The following ESR1 variants were observed in gnomAD, a reference collection of about 807,000 sequenced individuals.
The protein encoded by ESR1 is estrogen receptor.
A neutral mutation model predicts 52.7 loss-of-function variants in ESR1; 12 were observed. The ratio of observed to expected loss-of-function variants is 0.23; its 90% confidence interval spans 0.15 to 0.37. ESR1 has a LOEUF of 0.37. Among genes scored for constraint, ESR1 ranks in the 10% least tolerant of loss-of-function variants. The pLI is 1.00. For missense variants in ESR1, 584 were observed against 779.7 expected, an observed-to-expected ratio of 0.75 and a Z score of 2.99; for synonymous variants, 305 against 316.8, an observed-to-expected ratio of 0.96 and a Z score of 0.39.
intron 4 of ESR1, among the ~76,000 whole-genome samples, chr6:151,991,851 G>A (rs2041056322): frequency 1.3e-5 from 2 of 152,096 alleles, no homozygotes; most frequent in Non-Finnish European, 2.9e-5. Context: ...AGTCAGACAG[G>A]AGTGCCTTCT....
chr6:151,920,015 T>C (rs988328), intron 3 of ESR1, among the ~76,000 whole-genome samples: 23,391 of 152,178 alleles, frequency 0.15, 2,285 homozygotes, highest in East Asian at 0.46. Context: ...AAGGTGGAGA[T>C]AAAGGCTTTT....
intron 5 of ESR1, among the ~76,000 whole-genome samples, chr6:152,033,016 A>G (rs941366725): frequency 6.6e-6 from 1 of 152,206 alleles, no homozygotes; most frequent in Non-Finnish European, 1.5e-5. Context: ...TCTTTGACAA[A>G]CCTGAGAAAA....
chr6:152,078,644 AG>A (rs2048942820), intron 6 of ESR1, among the ~76,000 whole-genome samples: 1 of 152,144 alleles, frequency 6.6e-6, no homozygotes, highest in Non-Finnish European at 1.5e-5. Flanking sequence ...CAGCCCACGG[AG>A]GGTGAGCCGA....
chr6:152,088,360 C>A (rs1004412104), intron 6 of ESR1, among the ~76,000 whole-genome samples: 1 of 152,042 alleles, frequency 6.6e-6, no homozygotes, highest in Non-Finnish European at 1.5e-5. Context: ...ACTAACCAAC[C>A]TATTTGTGTA....
At chr6:151,876,976 C>A (rs4869747) in intron 2 of ESR1, among the ~76,000 whole-genome samples, 110,635 of 149,388 alleles carry the variant, frequency 0.74, 41,473 homozygotes, top group African/African-American at 0.84. Context: ...TAAAAAAAAA[C>A]ACACACACAC....
intron 4 of ESR1, among the ~76,000 whole-genome samples, chr6:151,997,168 G>A (rs917051277): frequency 6.6e-6 from 1 of 152,074 alleles, no homozygotes; most frequent in Non-Finnish European, 1.5e-5. Context: ...TGCAAATCTA[G>A]TTAATGGGGG....
chr6:151,934,585 G>A (rs2034121507), intron 3 of ESR1, among the ~76,000 whole-genome samples: 1 of 152,122 alleles, frequency 6.6e-6, no homozygotes, highest in Admixed American at 6.5e-5. Flanking sequence ...TCATGATGAA[G>A]ATGATTTTGA....
At chr6:151,808,397 C>G in intron 1 of ESR1, 33 bp downstream of exon 1, 1 of 1,052,698 alleles carries the variant, frequency 9.5e-7, no homozygotes, top group African/African-American at 1.8e-5. Context: ...TCGGGGTGGC[C>G]GCCGCGCCCG....
At chr6:151,884,010 G>C (rs1011320472) in intron 3 of ESR1, among the ~76,000 whole-genome samples, 1 of 152,030 alleles carries the variant, frequency 6.6e-6, no homozygotes, top group Non-Finnish European at 1.5e-5. Context: ...CAACATATGA[G>C]TTTTAAGGGT....
Position 152,098,616 on chromosome 6 carries a change from A to T in ESR1, c.1554-116A>T. 1.1e-6 allele frequency: 1 copy of T among 875,040 alleles called. No individual in the cohort carries two copies. Among genetic ancestry groups the T allele is most frequent in the Non-Finnish European group, 1.9e-6 (1 of 538,664 alleles). 54.2% of individuals were successfully genotyped at this position (875,040 alleles called of 1,614,324 possible). A position where few individuals can be genotyped will look rare whatever the true frequency, so the allele number is the denominator to read the frequency against. ...TAAAGTGGGTCTTTAAACAGGAAGAAAGAAAGATTGCTAAGTGTCTTTGGA... is the reference window on the plus strand; with the variant it reads ...TAAAGTGGGTCTTTAAACAGGAAGATAGAAAGATTGCTAAGTGTCTTTGGA... On this transcript the variant is annotated intron_variant, in intron 7 of 7. Transcript: ENST00000206249. The surrounding 1 kb of genome is among the most constrained non-coding windows in gnomAD (Gnocchi z 5.1).
chr6:151,886,642 T>G (rs1044633186), intron 3 of ESR1, among the ~76,000 whole-genome samples: 1 of 152,168 alleles, frequency 6.6e-6, no homozygotes, highest in Non-Finnish European at 1.5e-5. Flanking sequence ...GGTTTAATAT[T>G]TATCACTATG....
At chr6:151,913,839 A>G (rs1240080540) in intron 3 of ESR1, among the ~76,000 whole-genome samples, 1 of 152,104 alleles carries the variant, frequency 6.6e-6, no homozygotes, top group African/African-American at 2.4e-5. Context: ...AATTCTTTTA[A>G]CACTCTGCTT....
At chr6:151,893,385 A>G (rs1794983168) in intron 3 of ESR1, among the ~76,000 whole-genome samples, 1 of 152,130 alleles carries the variant, frequency 6.6e-6, no homozygotes, top group Non-Finnish European at 1.5e-5. Context: ...ATGCCTGGAG[A>G]TAATACATGG....
At chr6:152,016,941 A>G (rs971837312) in intron 5 of ESR1, among the ~76,000 whole-genome samples, 4 of 152,122 alleles carry the variant, frequency 2.6e-5, no homozygotes, top group South Asian at 2.1e-4. Flanking sequence ...TGGATTACCA[A>G]TGTTGCTAAC....
intron 2 of ESR1, among the ~76,000 whole-genome samples, chr6:151,874,214 C>T (rs1791443915): frequency 1.3e-5 from 2 of 152,126 alleles, no homozygotes. Flanking sequence ...CACCTTTTCC[C>T]GGTTTACATA....
chr6:151,882,853 T>C (rs1421516575), intron 3 of ESR1, among the ~76,000 whole-genome samples: 1 of 152,080 alleles, frequency 6.6e-6, no homozygotes, highest in Non-Finnish European at 1.5e-5. Flanking sequence ...AATTCATATA[T>C]GCAAAGACAT....
chr6:151,903,402 G>A (rs938830736), intron 3 of ESR1, among the ~76,000 whole-genome samples: 6 of 152,116 alleles, frequency 3.9e-5, no homozygotes, highest in Admixed American at 1.3e-4. Context: ...TGAGAGAGCC[G>A]TTTCCATCAA....
chr6:151,792,674 A>G (rs898129514), intron 2 of ESR1, among the ~76,000 whole-genome samples: 1 of 152,132 alleles, frequency 6.6e-6, no homozygotes, highest in African/African-American at 2.4e-5. Flanking sequence ...TCCTGACTCA[A>G]GCAATCCTCC....
chr6:151,985,279 G>T (rs55952144), intron 4 of ESR1, among the ~76,000 whole-genome samples: 14,033 of 151,746 alleles, frequency 0.092, 1,374 homozygotes, highest in African/African-American at 0.24. Context: ...GCTGAGACGG[G>T]CGGATCACCT....
Sources: allele counts gnomAD v4.1 joint callset (sites outside exome capture counted in the v4.1 genomes callset), GRCh38; gene constraint gnomAD v4.1.1; non-coding constraint Gnocchi (gnomAD v3.1); transcripts MANE v1.5; gene names NCBI Gene and HGNC (gene_info 2026-07-23, HGNC 2026-07-21).